The following TTC28 variants were observed in gnomAD, a reference collection of about 807,000 sequenced individuals.
TTC28 encodes the protein tetratricopeptide repeat domain 28.
Under a neutral mutation model 198.0 loss-of-function variants are expected in TTC28, and 61 were observed. The ratio of observed to expected loss-of-function variants is 0.31; its 90% CI spans 0.25 to 0.38. The LOEUF (loss-of-function observed/expected upper bound fraction) is 0.38, where lower values mean the gene tolerates loss of function less well. TTC28 is among the 10% of genes least tolerant of loss of function. The probability of loss-of-function intolerance (pLI) is 1.00; values close to 1 mark genes in which losing one functional copy is unlikely to be tolerated. For synonymous variants in TTC28, 1,171 were observed against 1,297.8 expected (o/e 0.90, Z 2.10); for missense variants, 2,678 against 3,164.0 (o/e 0.85, Z 3.69).
Position 28,193,955 on chromosome 22 carries a change from ACT to A in TTC28, c.934-30358_934-30357del, listed in dbSNP as rs547672351. On this transcript the variant is annotated intron_variant, in intron 5 of 22. Transcript: ENST00000397906. ...AGCAGACCTAATAGACATCTACAGA[ACT>A]CTCCACCCCAAATCAACAGAATATA... is the stretch of plus-strand genomic sequence containing the variant. Among the ~76,000 whole-genome samples, 457 of 152,170 alleles carry A rather than the reference ACT, an allele frequency of 3.0e-3. 4 individuals are homozygous for A. Among genetic ancestry groups the A allele is most frequent in the Non-Finnish European group, 4.5e-3 (306 of 68,008 alleles).
At chr22:28,205,823 T>G (rs1180207014) in intron 5 of TTC28, among the ~76,000 whole-genome samples, 1 of 152,046 alleles carries the variant, frequency 6.6e-6, no homozygotes, top group African/African-American at 2.4e-5. Flanking sequence ...GAGATCAGAC[T>G]TAAAATAGAA....
intron 2 of TTC28, among the ~76,000 whole-genome samples, chr22:28,579,030 C>T (rs2050191455): frequency 6.6e-6 from 1 of 151,504 alleles, no homozygotes; most frequent in South Asian, 2.1e-4. Flanking sequence ...TGTATATATA[C>T]TATATAGCTA....
At chr22:28,053,986 AG>A (rs780106916) in intron 12 of TTC28, among the ~76,000 whole-genome samples, 3 of 152,200 alleles carry the variant, frequency 2.0e-5, no homozygotes, top group Non-Finnish European at 4.4e-5. Context: ...TGTTAGCTAA[AG>A]GAAGACTTAA....
chr22:28,105,050 G>T (rs965863038), intron 8 of TTC28, among the ~76,000 whole-genome samples: 1 of 152,156 alleles, frequency 6.6e-6, no homozygotes, highest in Non-Finnish European at 1.5e-5. Context: ...ATCTGGGTCC[G>T]AGAGAGCAGG....
intron 5 of TTC28, among the ~76,000 whole-genome samples, chr22:28,249,433 T>G (rs962047797): frequency 3.3e-5 from 5 of 152,080 alleles, no homozygotes; most frequent in Admixed American, 2.0e-4. Context: ...TAGAACAAAA[T>G]CTCCCACAGG....
chr22:28,225,008 G>A (rs9625433), intron 5 of TTC28, among the ~76,000 whole-genome samples: 13,231 of 151,980 alleles, frequency 0.087, 693 homozygotes, highest in Non-Finnish European at 0.098. Context: ...TCCAGATCCC[G>A]TGCTCCTTAA....
At chr22:28,002,864 G>A (rs765128239) in intron 14 of TTC28, among the ~76,000 whole-genome samples, 1 of 152,078 alleles carries the variant, frequency 6.6e-6, no homozygotes, top group Non-Finnish European at 1.5e-5. Flanking sequence ...TGCACCTGTA[G>A]TCCCAACTAC....
intron 5 of TTC28, among the ~76,000 whole-genome samples, chr22:28,164,881 A>G (rs1921717584): frequency 6.6e-6 from 1 of 152,180 alleles, no homozygotes; most frequent in Non-Finnish European, 1.5e-5. Flanking sequence ...AACTACTCTG[A>G]GCTAAAGGAG....
At chr22:28,163,841 C>A (rs892342343) in intron 5 of TTC28, among the ~76,000 whole-genome samples, 1 of 152,124 alleles carries the variant, frequency 6.6e-6, no homozygotes. Flanking sequence ...TGAAGCACGG[C>A]GAGGCATTGC....
intron 5 of TTC28, among the ~76,000 whole-genome samples, chr22:28,191,224 G>A (rs1924713177): frequency 1.3e-5 from 2 of 152,130 alleles, no homozygotes; most frequent in African/African-American, 4.8e-5. Flanking sequence ...TTATGCTAAA[G>A]GTGCCTTCAA....
At chr22:28,491,367 A>G (rs1052768897) in intron 2 of TTC28, among the ~76,000 whole-genome samples, 2 of 152,214 alleles carry the variant, frequency 1.3e-5, no homozygotes, top group African/African-American at 4.8e-5. Flanking sequence ...TTATCTGACA[A>G]AGGGCTAATA....
At chr22:27,993,650 G>T in intron 17 of TTC28, 132 bp from the exon 18 acceptor site, 1 of 862,128 alleles carries the variant, frequency 1.2e-6, no homozygotes, top group Non-Finnish European at 1.7e-6. Context: ...CACGTGGCCA[G>T]GCCTGAGGAT....
intron 13 of TTC28, among the ~76,000 whole-genome samples, chr22:28,023,234 C>T (rs76175948): frequency 8.9e-4 from 136 of 152,358 alleles, no homozygotes; most frequent in African/African-American, 2.5e-3. Flanking sequence ...GGAGCCACGG[C>T]AGCAGTTGGT....
intron 2 of TTC28, among the ~76,000 whole-genome samples, chr22:28,617,980 T>C (rs2050928216): frequency 6.6e-6 from 1 of 152,022 alleles, no homozygotes; most frequent in South Asian, 2.1e-4. Flanking sequence ...ACAAAATAAA[T>C]GGCTGTTGTT....
intron 2 of TTC28, among the ~76,000 whole-genome samples, chr22:28,340,749 T>G (rs1173840764): frequency 6.6e-6 from 1 of 152,186 alleles, no homozygotes. Context: ...TCCTCTTTAA[T>G]TGGAAGTTAC....
At chr22:28,265,227 G>A (rs151247064) in intron 5 of TTC28, among the ~76,000 whole-genome samples, 4 of 152,186 alleles carry the variant, frequency 2.6e-5, no homozygotes, top group East Asian at 1.9e-4. Context: ...TGTACTGCTC[G>A]ATTGTAATTT....
chr22:28,552,767 C>G (rs1488222535), intron 2 of TTC28, among the ~76,000 whole-genome samples: 1 of 140,868 alleles, frequency 7.1e-6, no homozygotes, highest in African/African-American at 2.6e-5. Context: ...CTCTCCGCCT[C>G]CCCCTCCCCC....
chr22:28,481,464 TAAAAGGATATAC>T (rs2048245923), intron 2 of TTC28, among the ~76,000 whole-genome samples: 1 of 152,138 alleles, frequency 6.6e-6, no homozygotes, highest in Non-Finnish European at 1.5e-5. Flanking sequence ...AGAACATACA[TAAAAGGATATAC>T]TTTAGTATGG....
chr22:27,990,841 AAGAAAG>A lies in TTC28; in HGVS notation c.5554-35_5554-30del, dbSNP rs761238632. The A allele has an allele frequency of 3.2e-6, 5 of 1,545,578 alleles. No individual in the cohort carries two copies. The South Asian group carries it at 6.0e-5, about 18-fold the overall frequency. On this transcript the variant is annotated intron_variant, in intron 19 of 22. Coordinates refer to ENST00000397906, the MANE Select transcript of TTC28 (RefSeq NM_001145418.2). ...CGGCCAGCAGATTATAAGAAAAAGA[AAGAAAG>A]AGAGAAAGAAGAGAGTTTAGACTCA...
Sources: allele counts gnomAD v4.1 joint callset (sites outside exome capture counted in the v4.1 genomes callset), GRCh38; gene constraint gnomAD v4.1.1; transcripts MANE v1.5; gene names NCBI Gene and HGNC (gene_info 2026-07-23, HGNC 2026-07-21).